The following SUPT20H variants were observed in gnomAD, a reference collection of about 807,000 sequenced individuals.
SUPT20H encodes the protein transcription factor SPT20 homolog.
A neutral mutation model predicts 122.8 loss-of-function variants in SUPT20H; 82 were observed. That is an observed-to-expected ratio of 0.67 (90% confidence interval 0.56 to 0.80). The LOEUF is 0.80. Ranked by LOEUF, SUPT20H falls within the 30% of genes least tolerant of loss-of-function variation. The probability of loss-of-function intolerance (pLI) is 0.00; values close to 1 mark genes in which losing one functional copy is unlikely to be tolerated. For missense variants in SUPT20H, 831 were observed against 921.6 expected, an observed-to-expected ratio of 0.90 and a Z score of 1.27; for synonymous variants, 291 against 313.0, an observed-to-expected ratio of 0.93 and a Z score of 0.74.
chr13:37,033,614 A>C (rs370140241), intron 9 of SUPT20H, 26 bp from the exon 10 acceptor site: 5 of 1,603,464 alleles, frequency 3.1e-6, no homozygotes, highest in Non-Finnish European at 4.3e-6. Context: ...GCATATGTCA[A>C]TACCAGATTT....
rs537421331 is a variant in SUPT20H, at chr13:37,009,335, T to C, written c.*337A>G. 100 of 1,236,232 alleles carry C rather than the reference T, an allele frequency of 8.1e-5. No homozygotes were observed. The highest frequency in any genetic ancestry group is 2.9e-4 in the South Asian group (23 of 80,670). 76.6% of individuals were successfully genotyped at this position (1,236,232 alleles called of 1,614,324 possible). ...CATTTTCAAAACAGATTTGTAAAAA[T>C]TGTATTTGTTAACACTGTGCACAAA... On this transcript the variant is annotated 3_prime_UTR_variant, in exon 26 of 26. Transcript: ENST00000350612.
At chr13:37,018,753 C>T (rs538361482) in intron 22 of SUPT20H, among the ~76,000 whole-genome samples, 1 of 152,252 alleles carries the variant, frequency 6.6e-6, no homozygotes, top group East Asian at 1.9e-4. Context: ...ACTTCCTGGG[C>T]TCAAGTGATC....
At chr13:37,052,802 C>T (rs527919983) in intron 1 of SUPT20H, among the ~76,000 whole-genome samples, 14 of 152,182 alleles carry the variant, frequency 9.2e-5, no homozygotes, top group African/African-American at 3.4e-4. Flanking sequence ...AGGTCTAATA[C>T]CCAGAATCTA....
chr13:37,022,922 A>G lies in SUPT20H; in HGVS notation c.1592-842T>C, dbSNP rs1167670327. 14 of 1,159,900 alleles carry G rather than the reference A, an allele frequency of 1.2e-5. No homozygotes were observed. Among genetic ancestry groups the G allele is most frequent in the African/African-American group, 3.2e-5 (2 of 62,500 alleles). The allele number at this position is 1,159,900 out of a possible 1,614,324, so 71.9% of individuals were successfully genotyped here. A position where few individuals can be genotyped will look rare whatever the true frequency, so the allele number is the denominator to read the frequency against. On this transcript the variant is annotated intron_variant, in intron 19 of 25. Coordinates refer to ENST00000350612, the MANE Select transcript of SUPT20H (RefSeq NM_001014286.3). The surrounding 1 kb of genome is among the most constrained non-coding windows in gnomAD (Gnocchi z 4.5). ...TTCTGTTTAAATGTAGAATGTATAGAAAATCTGTTGTGAATGAAGTATGCA... is the reference window on the plus strand; with the variant it reads ...TTCTGTTTAAATGTAGAATGTATAGGAAATCTGTTGTGAATGAAGTATGCA...
At chr13:37,045,419 C>T (rs2066246915) in intron 5 of SUPT20H, 46 bp from the exon 6 acceptor site, 5 of 1,598,532 alleles carry the variant, frequency 3.1e-6, no homozygotes, top group Non-Finnish European at 4.3e-6. Flanking sequence ...CCAGTATAAC[C>T]TTAACAAATA....
At chr13:37,018,447 T>C (rs2060908531) in intron 22 of SUPT20H, among the ~76,000 whole-genome samples, 1 of 152,222 alleles carries the variant, frequency 6.6e-6, no homozygotes, top group Non-Finnish European at 1.5e-5. Flanking sequence ...TTTTAAATTT[T>C]AGCTCTAATG....
At chr13:37,027,926 A>T (rs938079682) in intron 14 of SUPT20H, among the ~76,000 whole-genome samples, 7 of 152,192 alleles carry the variant, frequency 4.6e-5, no homozygotes, top group African/African-American at 1.7e-4. Flanking sequence ...GCATAAAAAT[A>T]ATTATACCAT....
intron 9 of SUPT20H, chr13:37,039,894 T>A (rs2065158133): frequency 6.6e-6 from 1 of 152,134 alleles, no homozygotes; most frequent in South Asian, 2.1e-4. Context: ...GTTTATATTT[T>A]TTATTATTAT....
At position 37,009,419 on chromosome 13, in the gene SUPT20H, T is replaced by G. The variant is rs2059210967; in HGVS notation, c.*253A>C. ...TTCTGAAAGATGTTTCTATTATTTC[T>G]TAGGTCACTTCCATATATATTATGT... On this transcript the variant is annotated 3_prime_UTR_variant, in exon 26 of 26. Coordinates refer to ENST00000350612, the MANE Select transcript of SUPT20H (RefSeq NM_001014286.3). 1 of 752,704 alleles carries G rather than the reference T, an allele frequency of 1.3e-6. No homozygotes were observed. The highest frequency in any genetic ancestry group is 2.2e-6 in the Non-Finnish European group (1 of 458,842). 46.6% of individuals were successfully genotyped at this position (752,704 alleles called of 1,614,324 possible).
intron 15 of SUPT20H, 140 bp from the exon 16 acceptor site, chr13:37,026,376 A>T (rs1479586359): frequency 1.9e-6 from 1 of 519,448 alleles, no homozygotes; most frequent in East Asian, 3.5e-5. Flanking sequence ...ATATGAAAAA[A>T]ATTTTTTTAA....
chr13:37,045,249 G>C lies in SUPT20H; in HGVS notation c.290C>G (p.Ser97Ter). 1 of 1,613,524 alleles carries C rather than the reference G, an allele frequency of 6.2e-7. No individual in the cohort carries two copies. The highest frequency in any genetic ancestry group is 1.1e-5 in the South Asian group (1 of 91,036). ...AGCTGTGCTCTAGAGGGTCTTACCT[G>C]ATCCGTTTTTTCCCCTGAGCATCAG... ...YSLMLRGKNG[S>*]DSETIRLPYE... Residue 97 changes from serine to a stop codon, truncating the protein, a stop_gained and splice_region_variant, in exon 6 of 26, where the codon TCA (serine) becomes TGA (stop). Transcript: ENST00000350612. LOFTEE classifies it high-confidence loss of function.
intron 9 of SUPT20H, among the ~76,000 whole-genome samples, chr13:37,034,568 T>C (rs1275760008): frequency 6.6e-6 from 1 of 152,216 alleles, no homozygotes; most frequent in Non-Finnish European, 1.5e-5. Flanking sequence ...GAGTAGAAGC[T>C]GTCTCCATAA....
intron 9 of SUPT20H, chr13:37,038,949 T>C (rs983288120): frequency 2.2e-4 from 33 of 152,340 alleles, no homozygotes; most frequent in Admixed American, 2.0e-3. Flanking sequence ...AAATCACTGA[T>C]GCTTTTTGAA....
At chr13:37,056,741 T>C (rs2069144788) in intron 1 of SUPT20H, 1 of 151,302 alleles carries the variant, frequency 6.6e-6, no homozygotes, top group South Asian at 2.1e-4. Flanking sequence ...GTTGTGCACA[T>C]GTACCCTAAA....
chr13:37,038,085 G>A (rs914151478), intron 9 of SUPT20H: 7 of 142,100 alleles, frequency 4.9e-5, no homozygotes, highest in African/African-American at 1.8e-4. Flanking sequence ...TACTACTGTT[G>A]TGTACTGTCT....
rs1421856428 is a variant in SUPT20H, at chr13:37,048,596, G to A, written c.7C>T (p.Gln3Ter). The A allele has an allele frequency of 6.3e-7, 1 of 1,597,552 alleles. No homozygotes were observed. The highest frequency in any genetic ancestry group is 1.1e-5 in the South Asian group (1 of 87,248). The change falls in exon 3 of 26, where the codon CAA becomes TAA. Residue 3 changes from glutamine to a stop codon, truncating the protein, a stop_gained. Transcript: ENST00000350612. LOFTEE classifies it high-confidence loss of function. ...CGATCCAAAGCTAGTTCTAAAGCTT[G>A]TTGCTGTAAAAAGTAAATAGTATAT... The part of the protein sequence containing the change: MQ[Q>*]ALELALDRAE...
chr13:37,046,323 TAA>T, intron 5 of SUPT20H, among the ~76,000 whole-genome samples: 1 of 152,152 alleles, frequency 6.6e-6, no homozygotes, highest in East Asian at 1.9e-4. Flanking sequence ...TAATTTGACT[TAA>T]GACAGAATTA....
At chr13:37,044,286 A>G (rs2066010648) in intron 6 of SUPT20H, 105 bp from the exon 7 acceptor site, 2 of 776,764 alleles carry the variant, frequency 2.6e-6, no homozygotes, top group East Asian at 5.9e-5. Flanking sequence ...ACCAAAAGGC[A>G]TTTCAACCAA....
rs2062233346 is a variant in SUPT20H, at chr13:37,026,184, AG to A, written c.1211+19del. On this transcript the variant is annotated intron_variant, in intron 16 of 25. Coordinates refer to ENST00000350612, the MANE Select transcript of SUPT20H (RefSeq NM_001014286.3). ...TTTCATATCCATCCTGACCAAAATA[AG>A]AGATGCAAATATTTTTACCTCTCAG... is the stretch of plus-strand genomic sequence containing the variant. The A allele has an allele frequency of 6.4e-7, 1 of 1,558,980 alleles. No homozygotes were observed. The highest frequency in any genetic ancestry group is 1.2e-5 in the South Asian group (1 of 83,668).
Sources: gnomAD v4.1 joint callset for allele counts (sites outside exome capture counted in the v4.1 genomes callset) on GRCh38, gnomAD v4.1.1 for gene constraint, Gnocchi (gnomAD v3.1) non-coding constraint, MANE v1.5 for transcripts, NCBI Gene and HGNC (gene_info 2026-07-23, HGNC 2026-07-21) for gene names.